Variants in PRKCZ observed in about 807,000 individuals in gnomAD.
PRKCZ encodes protein kinase C zeta.
PRKCZ carries 33 observed loss-of-function variants against 79.5 expected under a neutral mutation model. That is an observed-to-expected ratio of 0.41 (90% CI 0.31 to 0.55). The LOEUF (loss-of-function observed/expected upper bound fraction) is 0.55, where lower values mean the gene tolerates loss of function less well. Among genes scored for constraint, PRKCZ ranks in the 20% least tolerant of loss-of-function variants. PRKCZ has a pLI of 0.19. For synonymous variants in PRKCZ, 342 were observed against 320.9 expected, an observed-to-expected ratio of 1.07 and a Z score of -0.70; for missense variants, 578 against 813.5, an observed-to-expected ratio of 0.71 and a Z score of 3.52.
In PRKCZ at chr1:2,055,534, G is replaced by C; in HGVS notation, c.165G>C (p.Pro55=). 6.2e-7 allele frequency: 1 copy of C among 1,614,028 alleles called. No homozygotes were observed. Among genetic ancestry groups the C allele is most frequent in the Non-Finnish European group, 8.5e-7 (1 of 1,179,968 alleles). ...RDMCRLHQQH[P]LTLKWVDSEG... is the part of the protein sequence containing the mutation. ...TGTGTCGTCTGCACCAGCAGCACCCGCTCACCCTCAAGTGGGTGGACAGCG... is the reference window on the plus strand; with the variant it reads ...TGTGTCGTCTGCACCAGCAGCACCCCCTCACCCTCAAGTGGGTGGACAGCG... Residue 55 remains proline, a synonymous_variant, in exon 2 of 18, where the codon CCG becomes CCC. Coordinates refer to ENST00000378567, the MANE Select transcript of PRKCZ (RefSeq NM_002744.6).
rs951982444 is a variant in PRKCZ at position 2,128,929 on chromosome 1, C to T, written c.335-6333C>T. ...GGGGCCAGGGGCCGTTTCCAGAGCACACTCCCCAGAAGGGCTCCCTTCTCC... is the reference window on the plus strand; with the variant it reads ...GGGGCCAGGGGCCGTTTCCAGAGCATACTCCCCAGAAGGGCTCCCTTCTCC... On this transcript the variant is annotated intron_variant, in intron 4 of 17. Coordinates refer to ENST00000378567, the MANE Select transcript of PRKCZ (RefSeq NM_002744.6). The surrounding 1 kb of genome is among the most constrained non-coding windows in gnomAD (Gnocchi z 6.5). Among the ~76,000 whole-genome samples the T allele has an allele frequency of 6.6e-5, 10 of 152,156 alleles. No individual in the cohort carries two copies. Among genetic ancestry groups the T allele is most frequent in the African/African-American group, 2.4e-4 (10 of 41,440 alleles).
At chr1:2,169,328 C>T (rs912184712) in intron 10 of PRKCZ, 190 bp from the exon 11 acceptor site, 55 of 637,970 alleles carry the variant, frequency 8.6e-5, no homozygotes, top group Admixed American at 6.5e-4. Context: ...GCACCCTTCA[C>T]GAGCGGCCCC....
chr1:2,150,810 T>G lies in PRKCZ; in HGVS notation c.708T>G (p.Asp236Glu). The change falls in exon 9 of 18, where the codon GAT (aspartate) becomes GAG (glutamate). Residue 236 changes from aspartate to glutamate, a missense_variant. Around this residue, in one of 4 missense-constraint regions of PRKCZ, gnomAD observed 91 missense variants for 97.5 expected, o/e 0.93. Transcript: ENST00000378567. ...CCTAGGACCTTAAGCCAGTTATCGATGGGATGGATGGAATCAAAATCTCTC... is the reference window on the plus strand; with the variant it reads ...CCTAGGACCTTAAGCCAGTTATCGAGGGGATGGATGGAATCAAAATCTCTC... ...DDSEDLKPVI[D>E]GMDGIKISQG... 1 of 1,613,984 alleles carries G rather than the reference T, an allele frequency of 6.2e-7. No homozygotes were observed. Among genetic ancestry groups the G allele is most frequent in the Non-Finnish European group, 8.5e-7 (1 of 1,179,952 alleles).
At chr1:2,126,738 C>T (rs1223135200) in intron 4 of PRKCZ, among the ~76,000 whole-genome samples, 3 of 152,256 alleles carry the variant, frequency 2.0e-5, no homozygotes, top group Non-Finnish European at 4.4e-5. Flanking sequence ...GACTGTGAGA[C>T]TGGCCCAGGC....
At chr1:2,102,934 C>T (rs1271602367) in intron 4 of PRKCZ, among the ~76,000 whole-genome samples, 1 of 152,110 alleles carries the variant, frequency 6.6e-6, no homozygotes, top group Non-Finnish European at 1.5e-5. Flanking sequence ...GGCTGGAGTA[C>T]AGTGGTACAA....
At chr1:2,074,042 A>C in intron 4 of PRKCZ, 1 of 1,440,520 alleles carries the variant, frequency 6.9e-7, no homozygotes. Flanking sequence ...TTTGGGTCTG[A>C]GTCCCGGCGT....
intron 4 of PRKCZ, among the ~76,000 whole-genome samples, chr1:2,060,905 C>T (rs778218201): frequency 9.2e-5 from 14 of 152,206 alleles, no homozygotes; most frequent in South Asian, 2.1e-4. Flanking sequence ...TGACCTTTCC[C>T]GGGACCCTCC....
chr1:2,108,597 G>A (rs1430458011), intron 4 of PRKCZ, among the ~76,000 whole-genome samples: 9 of 152,240 alleles, frequency 5.9e-5, no homozygotes, highest in South Asian at 4.1e-4. Context: ...CACAGCTGAC[G>A]GCAGCCCCTC....
intron 10 of PRKCZ, among the ~76,000 whole-genome samples, chr1:2,166,640 G>A (rs979131364): frequency 4.0e-5 from 6 of 151,418 alleles, no homozygotes; most frequent in Non-Finnish European, 8.8e-5. Context: ...ACGACATGGC[G>A]AGTGTGGCTA....
In PRKCZ at chr1:2,181,049, G is replaced by A. The variant is rs560595108; in HGVS notation, c.1576-3534G>A. On this transcript the variant is annotated intron_variant, in intron 16 of 17. Coordinates refer to ENST00000378567, the MANE Select transcript of PRKCZ (RefSeq NM_002744.6). Reference sequence around the variant, plus strand: ...TGTGCCTGACCATGCTCTGCCATGCGGGGCCTAGCCCAGCCCCCCAGCCCT... The same window carrying A: ...TGTGCCTGACCATGCTCTGCCATGCAGGGCCTAGCCCAGCCCCCCAGCCCT... Among the ~76,000 whole-genome samples, 459 of 152,192 alleles carry A rather than the reference G, an allele frequency of 3.0e-3. 5 individuals carry two copies. The highest frequency in any genetic ancestry group is 4.1e-3 in the Non-Finnish European group (280 of 67,984).
At chr1:2,058,553 C>T (rs1660395618) in intron 3 of PRKCZ, among the ~76,000 whole-genome samples, 1 of 152,080 alleles carries the variant, frequency 6.6e-6, no homozygotes, top group Non-Finnish European at 1.5e-5. Context: ...TTTTGCCTCT[C>T]TATGTGGAAA....
At chr1:2,132,405 G>C (rs909433323) in intron 4 of PRKCZ, among the ~76,000 whole-genome samples, 54 of 152,172 alleles carry the variant, frequency 3.5e-4, no homozygotes, top group African/African-American at 1.3e-3. Context: ...CCGGGCCCTA[G>C]GGGGAGCAAA....
chr1:2,153,458 G>A (rs1363804640), intron 9 of PRKCZ, among the ~76,000 whole-genome samples: 1 of 152,120 alleles, frequency 6.6e-6, no homozygotes, highest in Non-Finnish European at 1.5e-5. Context: ...GCTGGGGCTG[G>A]GGCTGAGCCT....
intron 10 of PRKCZ, among the ~76,000 whole-genome samples, chr1:2,163,285 G>A (rs1489730300): frequency 6.6e-6 from 1 of 152,248 alleles, no homozygotes; most frequent in African/African-American, 2.4e-5. Flanking sequence ...CAGGGGAGAG[G>A]AGAGACAGGG....
At chr1:2,085,410 C>A (rs1664315840) in intron 4 of PRKCZ, among the ~76,000 whole-genome samples, 2 of 152,258 alleles carry the variant, frequency 1.3e-5, no homozygotes, top group Non-Finnish European at 2.9e-5. Flanking sequence ...GGGTCCGCAG[C>A]CCGCCAGATA....
chr1:2,073,238 C>A (rs1349924478), intron 4 of PRKCZ, among the ~76,000 whole-genome samples: 1 of 152,112 alleles, frequency 6.6e-6, no homozygotes, highest in Non-Finnish European at 1.5e-5. Flanking sequence ...CTTTCCTGTT[C>A]CTGCCCCCCA....
At chr1:2,113,072 C>T (rs964954256) in intron 4 of PRKCZ, among the ~76,000 whole-genome samples, 1 of 152,202 alleles carries the variant, frequency 6.6e-6, no homozygotes, top group Non-Finnish European at 1.5e-5. Context: ...CACTGCTGGC[C>T]GAGGCTGGCC....
chr1:2,162,478 G>C (rs1682509448), intron 10 of PRKCZ, among the ~76,000 whole-genome samples: 1 of 152,204 alleles, frequency 6.6e-6, no homozygotes, highest in African/African-American at 2.4e-5. Flanking sequence ...CACATTACCT[G>C]GGGCGAAATT....
At chr1:2,150,764 T>C (rs1409332357) in intron 8 of PRKCZ, 26 bp from the exon 9 acceptor site, 1 of 1,601,110 alleles carries the variant, frequency 6.2e-7, no homozygotes, top group Non-Finnish European at 8.5e-7. Context: ...CCTCTCACTT[T>C]CTGGGGTCTT....
Sources: allele counts gnomAD v4.1 joint callset (sites outside exome capture counted in the v4.1 genomes callset), GRCh38; gene constraint gnomAD v4.1.1; regional missense constraint gnomAD v4.1.1; non-coding constraint Gnocchi (gnomAD v3.1); transcripts MANE v1.5; gene names NCBI Gene and HGNC (gene_info 2026-07-23, HGNC 2026-07-21).